The following MRPS28 variants were observed in gnomAD, a reference collection of about 807,000 sequenced individuals.
MRPS28 encodes small ribosomal subunit protein bS1m.
In MRPS28, 7 loss-of-function variants were observed where a neutral mutation model predicts 10.8. The ratio of observed to expected loss-of-function variants is 0.65; its 90% confidence interval spans 0.37 to 1.22. The LOEUF is 1.22. MRPS28 is among the 50% of genes most tolerant of loss of function. MRPS28 has a pLI of 0.02. For missense variants in MRPS28, 265 were observed against 232.9 expected, an observed-to-expected ratio of 1.14 and a Z score of -0.90; for synonymous variants, 121 against 93.3, an observed-to-expected ratio of 1.30 and a Z score of -1.71.
chr8:79,966,616 G>A (rs1271693900), intron 2 of MRPS28, among the ~76,000 whole-genome samples: 3 of 152,026 alleles, frequency 2.0e-5, no homozygotes, highest in African/African-American at 7.2e-5. Context: ...AAAACGGTAT[G>A]AAAAAGTACG....
At chr8:80,012,582 C>CTT (rs2130200149) in intron 1 of MRPS28, among the ~76,000 whole-genome samples, 1 of 152,260 alleles carries the variant, frequency 6.6e-6, no homozygotes, top group East Asian at 1.9e-4. Flanking sequence ...GAAAATGTTA[C>CTT]AATAAAGCTC....
intron 2 of MRPS28, among the ~76,000 whole-genome samples, chr8:79,949,230 T>C (rs1051920382): frequency 5.3e-5 from 8 of 152,030 alleles, no homozygotes; most frequent in Non-Finnish European, 1.0e-4. Context: ...CCTGGCAAGA[T>C]GGTGAAACCC....
At chr8:80,010,853 A>C (rs1304545690) in intron 1 of MRPS28, among the ~76,000 whole-genome samples, 1 of 152,266 alleles carries the variant, frequency 6.6e-6, no homozygotes, top group Non-Finnish European at 1.5e-5. Context: ...TCCTTAGCAC[A>C]AAAGGGTCAA....
In MRPS28 at chr8:79,934,943, T is replaced by C. The variant is rs1806564971; in HGVS notation, c.396-15795A>G. On this transcript the variant is annotated intron_variant, in intron 2 of 2. Transcript: ENST00000276585. The stretch of plus-strand genomic sequence containing the variant: ...CACAAACTCTTTTGTTGAATTACAT[T>C]AAATAAATTGGTTGTTAAAAACTAG... Among the ~76,000 whole-genome samples, 6 of 152,360 alleles carry C rather than the reference T, an allele frequency of 3.9e-5. No individual in the cohort carries two copies. In the South Asian group the frequency reaches 1.2e-3, roughly 32 times the overall value.
At chr8:79,952,153 G>C (rs1304143902) in intron 2 of MRPS28, among the ~76,000 whole-genome samples, 1 of 152,124 alleles carries the variant, frequency 6.6e-6, no homozygotes, top group Non-Finnish European at 1.5e-5. Flanking sequence ...GTTTTACATA[G>C]CCCATATTTT....
chr8:79,921,142 G>A (rs1810081840), intron 2 of MRPS28, among the ~76,000 whole-genome samples: 1 of 150,780 alleles, frequency 6.6e-6, no homozygotes, highest in Admixed American at 6.6e-5. Flanking sequence ...CTGTTCCATT[G>A]GTCTATATCT....
intron 2 of MRPS28, among the ~76,000 whole-genome samples, chr8:79,954,422 C>T (rs1489967747): frequency 1.3e-5 from 2 of 152,044 alleles, no homozygotes. Context: ...CTGTATTCTG[C>T]AACGATTCTG....
intron 2 of MRPS28, among the ~76,000 whole-genome samples, chr8:79,941,136 T>C (rs2129932379): frequency 6.6e-6 from 1 of 152,148 alleles, no homozygotes; most frequent in African/African-American, 2.4e-5. Context: ...AAATTAAAAA[T>C]AAATACATAA....
chr8:79,967,663 T>C (rs772105685), intron 2 of MRPS28, among the ~76,000 whole-genome samples: 3 of 152,112 alleles, frequency 2.0e-5, no homozygotes, highest in South Asian at 2.1e-4. Flanking sequence ...AGGTGTCAAG[T>C]TGAATAATCA....
Position 79,984,404 on chromosome 8 carries a change from G to A in MRPS28, c.395+18595C>T, listed in dbSNP as rs984437588. 3.3e-5 allele frequency among the ~76,000 whole-genome samples: 5 copies of A among 152,124 alleles called. 1 individual carries two copies. Among genetic ancestry groups the A allele is most frequent in the South Asian group, 4.2e-4 (2 of 4,816 alleles). On this transcript the variant is annotated intron_variant, in intron 2 of 2. Transcript: ENST00000276585. ...CAACCAGCTAACATCATAATGACAG[G>A]ATCAAATTCACACAAAACAATATTA... is the stretch of plus-strand genomic sequence containing the variant.
At chr8:79,985,567 G>A (rs950778443) in intron 2 of MRPS28, among the ~76,000 whole-genome samples, 1 of 152,096 alleles carries the variant, frequency 6.6e-6, no homozygotes, top group Non-Finnish European at 1.5e-5. Flanking sequence ...GAATCACATA[G>A]ACGCAATAAA....
intron 2 of MRPS28, among the ~76,000 whole-genome samples, chr8:79,991,149 G>C (rs1008284539): frequency 1.3e-5 from 2 of 152,190 alleles, no homozygotes; most frequent in African/African-American, 4.8e-5. Context: ...AGGTTGTAAT[G>C]AAGAGAAATG....
At chr8:79,956,069 A>ATTT (rs908422690) in intron 2 of MRPS28, among the ~76,000 whole-genome samples, 1 of 151,494 alleles carries the variant, frequency 6.6e-6, no homozygotes, top group East Asian at 1.9e-4. Context: ...GCTGGACTGA[A>ATTT]TTTTTTTTTA....
At chr8:79,991,911 T>TCTCTCTCG (rs1808373976) in intron 2 of MRPS28, among the ~76,000 whole-genome samples, 1 of 902 alleles carries the variant, frequency 1.1e-3, no homozygotes, top group African/African-American at 4.2e-3. Context: ...TCCTCCTTGC[T>TCTCTCTCG]CTCTCTCTCT....
chr8:79,973,432 T>C (rs1164219957), intron 2 of MRPS28, among the ~76,000 whole-genome samples: 1 of 152,114 alleles, frequency 6.6e-6, no homozygotes, highest in Non-Finnish European at 1.5e-5. Context: ...CTCAGGAGGC[T>C]GAGGTGGGAG....
chr8:79,919,911 T>TA (rs1491539683), intron 2 of MRPS28, among the ~76,000 whole-genome samples: 18 of 151,018 alleles, frequency 1.2e-4, no homozygotes, highest in South Asian at 2.1e-4. Flanking sequence ...ACTCGTCATT[T>TA]ACGTTAGGTA....
intron 2 of MRPS28, 130 bp from the exon 3 acceptor site, chr8:79,919,278 G>C (rs1438189302): frequency 5.1e-6 from 3 of 591,598 alleles, no homozygotes; most frequent in African/African-American, 3.9e-5. Flanking sequence ...TGGTATCTTA[G>C]AAATAGCTGT....
At chr8:79,976,898 C>T (rs898651913) in intron 2 of MRPS28, among the ~76,000 whole-genome samples, 8 of 151,978 alleles carry the variant, frequency 5.3e-5, no homozygotes, top group African/African-American at 1.2e-4. Flanking sequence ...ATATTAATAA[C>T]CTTTAAGCCT....
At chr8:80,004,780 GA>G (rs1307371860) in intron 1 of MRPS28, among the ~76,000 whole-genome samples, 1 of 152,184 alleles carries the variant, frequency 6.6e-6, no homozygotes, top group African/African-American at 2.4e-5. Context: ...CCAATGCAGA[GA>G]AGTCCTTAAA....
Sources: gnomAD v4.1 joint callset for allele counts (sites outside exome capture counted in the v4.1 genomes callset) on GRCh38, gnomAD v4.1.1 for gene constraint, MANE v1.5 for transcripts, NCBI Gene and HGNC (gene_info 2026-07-23, HGNC 2026-07-21) for gene names.